Variants in ACTR3C observed in about 807,000 individuals in gnomAD.
The protein encoded by ACTR3C is actin related protein 3C.
ACTR3C carries 18 observed loss-of-function variants against 26.3 expected under a neutral mutation model. The ratio of observed to expected loss-of-function variants is 0.68; its 90% CI spans 0.47 to 1.01. The LOEUF (loss-of-function observed/expected upper bound fraction) is 1.01, where lower values mean the gene tolerates loss of function less well. ACTR3C is among the 50% of genes least tolerant of loss of function. The pLI, the probability that ACTR3C is intolerant of heterozygous loss-of-function variation, is 0.00. For synonymous variants in ACTR3C, 55 were observed against 94.5 expected, an observed-to-expected ratio of 0.58 and a Z score of 2.42; for missense variants, 184 against 250.7, an observed-to-expected ratio of 0.73 and a Z score of 1.80.
chr7:150,221,705 AT>A, the ACTR3C span, among the ~76,000 whole-genome samples: 1 of 152,138 alleles, frequency 6.6e-6, no homozygotes, highest in African/African-American at 2.4e-5. Context: ...ACAGAAGTAC[AT>A]CCCCTTGGCC....
chr7:150,085,564 A>T, the ACTR3C span, among the ~76,000 whole-genome samples: 3 of 149,164 alleles, frequency 2.0e-5, no homozygotes, highest in African/African-American at 7.4e-5. Context: ...TGAGAACAAC[A>T]ACCAATATTC....
chr7:150,016,943 C>G, the ACTR3C span, among the ~76,000 whole-genome samples: 1 of 151,974 alleles, frequency 6.6e-6, no homozygotes, highest in Non-Finnish European at 1.5e-5. Flanking sequence ...GAGGTATTCC[C>G]AGGACTGGGG....
chr7:150,233,977 C>A, the ACTR3C span, among the ~76,000 whole-genome samples: 3 of 152,036 alleles, frequency 2.0e-5, no homozygotes, highest in Non-Finnish European at 4.4e-5. Flanking sequence ...TATTATTAAT[C>A]TGGCTGAGAA....
chr7:150,278,472 G>C (rs1835063863), intron 6 of ACTR3C, among the ~76,000 whole-genome samples: 1 of 152,174 alleles, frequency 6.6e-6, no homozygotes, highest in Non-Finnish European at 1.5e-5. Flanking sequence ...TCCACACGGA[G>C]GCCCACCCTG....
chr7:150,237,763 G>T, the ACTR3C span, among the ~76,000 whole-genome samples: 1 of 151,742 alleles, frequency 6.6e-6, no homozygotes, highest in Non-Finnish European at 1.5e-5. Context: ...CTTGCTGGTA[G>T]CCAGCTCTGG....
At chr7:150,035,772 G>C in the ACTR3C span, among the ~76,000 whole-genome samples, 16 of 137,026 alleles carry the variant, frequency 1.2e-4, 1 homozygote, top group South Asian at 4.6e-4. Flanking sequence ...CCCCCTCTGC[G>C]ATGGGGTTCC....
chr7:150,247,896 T>G (rs1463669799), intron 7 of ACTR3C: 2 of 152,238 alleles, frequency 1.3e-5, no homozygotes, highest in Non-Finnish European at 2.9e-5. Flanking sequence ...CCTTCCTCTG[T>G]GAGTCAAAGC....
the ACTR3C span, among the ~76,000 whole-genome samples, chr7:150,038,999 C>T: frequency 1.9e-4 from 15 of 78,168 alleles, 6 homozygotes; most frequent in Non-Finnish European, 2.4e-5. Flanking sequence ...TCCTCAGAGC[C>T]GGGGGGCGGG....
the ACTR3C span, among the ~76,000 whole-genome samples, chr7:150,037,738 GGCTCTCAGTCCCCAC>G: frequency 4.8e-5 from 2 of 41,452 alleles, no homozygotes; most frequent in East Asian, 2.8e-3. Flanking sequence ...AAGAGGGTCT[GGCTCTCAGTCCCCAC>G]CCTCGCGGGG....
chr7:149,955,854 G>A, the ACTR3C span, among the ~76,000 whole-genome samples: 2 of 152,056 alleles, frequency 1.3e-5, no homozygotes, highest in Non-Finnish European at 2.9e-5. Flanking sequence ...AGCAGACTCA[G>A]CTTCTCACAA....
intron 1 of ACTR3C, among the ~76,000 whole-genome samples, chr7:150,313,185 ACT>A (rs1329573159): frequency 1.3e-5 from 2 of 152,036 alleles, no homozygotes; most frequent in African/African-American, 4.8e-5. Context: ...CCCTTCGCTG[ACT>A]CTCTTTTCAG....
At chr7:150,227,230 A>C in the ACTR3C span, among the ~76,000 whole-genome samples, 1 of 151,766 alleles carries the variant, frequency 6.6e-6, no homozygotes, top group African/African-American at 2.4e-5. Context: ...TAGATCACTT[A>C]ACTTTATTTC....
At chr7:150,079,785 TC>T in the ACTR3C span, among the ~76,000 whole-genome samples, 1 of 152,032 alleles carries the variant, frequency 6.6e-6, no homozygotes, top group South Asian at 2.1e-4. Flanking sequence ...AGCTCTGCCT[TC>T]CCCCTTCCAC....
the ACTR3C span, among the ~76,000 whole-genome samples, chr7:150,115,896 G>A: frequency 1.3e-5 from 2 of 152,220 alleles, no homozygotes; most frequent in Non-Finnish European, 2.9e-5. Context: ...AATGTGCATA[G>A]TGCAAAGATT....
chr7:150,281,503 C>T (rs1262208484), intron 6 of ACTR3C, among the ~76,000 whole-genome samples: 9 of 151,306 alleles, frequency 5.9e-5, no homozygotes, highest in Non-Finnish European at 5.9e-5. Flanking sequence ...CCATCCCACA[C>T]AGCGAGAGTC....
the ACTR3C span, among the ~76,000 whole-genome samples, chr7:150,105,144 G>A: frequency 3.4e-5 from 5 of 148,922 alleles, no homozygotes; most frequent in Non-Finnish European, 7.4e-5. Context: ...CTGCAGTGGC[G>A]CTATCTCCGC....
the ACTR3C span, among the ~76,000 whole-genome samples, chr7:150,042,914 A>T: frequency 6.6e-6 from 1 of 150,646 alleles, no homozygotes. Context: ...GGGCTGCCAG[A>T]AGTTTTTCCT....
At chr7:150,035,513 C>CG in the ACTR3C span, among the ~76,000 whole-genome samples, 122 of 115,686 alleles carry the variant, frequency 1.1e-3, 30 homozygotes, top group Non-Finnish European at 1.6e-3. Context: ...AGCTCTCAGT[C>CG]CCCACTCTCG....
chr7:150,193,350 G>T, the ACTR3C span, among the ~76,000 whole-genome samples: 3 of 147,330 alleles, frequency 2.0e-5, no homozygotes, highest in African/African-American at 5.0e-5. Flanking sequence ...AATTTTATTG[G>T]TCTTTAAAAA....
Sources: allele counts gnomAD v4.1 joint callset (sites outside exome capture counted in the v4.1 genomes callset), GRCh38; gene constraint gnomAD v4.1.1; transcripts MANE v1.5; gene names NCBI Gene and HGNC (gene_info 2026-07-23, HGNC 2026-07-21).